The following VPS13B variants were observed in gnomAD, a reference collection of about 807,000 sequenced individuals.
VPS13B encodes the protein intermembrane lipid transfer protein VPS13B.
In VPS13B, 285 loss-of-function variants were observed where a neutral mutation model predicts 426.4. The ratio of observed to expected loss-of-function variants is 0.67; its 90% CI spans 0.61 to 0.74. VPS13B has a LOEUF of 0.74. Ranked by LOEUF, VPS13B falls within the 30% of genes least tolerant of loss-of-function variation. VPS13B has a pLI of 0.00. For synonymous variants in VPS13B, 1,676 were observed against 1,676.4 expected, an observed-to-expected ratio of 1.00 and a Z score of 0.01; for missense variants, 4,537 against 4,782.6, an observed-to-expected ratio of 0.95 and a Z score of 1.51.
At chr8:99,041,067 T>A (rs573508549) in intron 3 of VPS13B, among the ~76,000 whole-genome samples, 1 of 152,316 alleles carries the variant, frequency 6.6e-6, no homozygotes, top group South Asian at 2.1e-4. Flanking sequence ...GGTTTTAATA[T>A]ACTGCCTTAA....
chr8:99,101,362 G>A (rs749387451), intron 4 of VPS13B, among the ~76,000 whole-genome samples: 15 of 152,226 alleles, frequency 9.9e-5, no homozygotes, highest in Non-Finnish European at 1.3e-4. Context: ...TCCATCTTTT[G>A]ACCTTGTGAT....
chr8:99,271,134 T>C (rs1197374886), intron 17 of VPS13B, among the ~76,000 whole-genome samples: 1 of 152,058 alleles, frequency 6.6e-6, no homozygotes, highest in Non-Finnish European at 1.5e-5. Flanking sequence ...TGTTAAGTGC[T>C]ATGATTACTA....
At chr8:99,823,245 G>T (rs1814480883) in intron 50 of VPS13B, among the ~76,000 whole-genome samples, 6 of 152,196 alleles carry the variant, frequency 3.9e-5, no homozygotes, top group African/African-American at 1.4e-4. Flanking sequence ...TGTAAAATGG[G>T]GTTAATAATA....
At chr8:99,678,231 A>G (rs979940567) in intron 35 of VPS13B, among the ~76,000 whole-genome samples, 1 of 152,086 alleles carries the variant, frequency 6.6e-6, no homozygotes, top group African/African-American at 2.4e-5. Context: ...ACAATTTACT[A>G]CCATCTTCAG....
intron 21 of VPS13B, among the ~76,000 whole-genome samples, chr8:99,427,707 C>G (rs1164827552): frequency 6.6e-6 from 1 of 151,820 alleles, no homozygotes; most frequent in Non-Finnish European, 1.5e-5. Context: ...AATGGCCATA[C>G]TGCCCAAGGT....
In VPS13B at chr8:99,766,951, A is replaced by G. The variant is rs1282484466; in HGVS notation, c.7228A>G (p.Asn2410Asp). 1.2e-6 allele frequency: 2 copies of G among 1,613,940 alleles called. No individual in the cohort carries two copies. Among genetic ancestry groups the G allele is most frequent in the South Asian group, 2.2e-5 (2 of 91,074 alleles). Reference protein sequence around the residue: ...LWRIVLNSSQNGADDQSSASE... With the variant: ...LWRIVLNSSQDGADDQSSASE... ...GAGAATTGTCTTGAACAGCAGTCAA[A>G]ATGGAGCTGATGACCAAAGGTAATT... Residue 2410 changes from asparagine to aspartate, a missense_variant, in exon 40 of 62, where the codon AAT becomes GAT. Asn to Asp is a conservative substitution (Grantham distance 23, BLOSUM62 1). This residue lies in a region of VPS13B where 4,311 missense variants were observed against 4,474.3 expected (regional missense o/e 0.96). Transcript: ENST00000357162.
At chr8:99,633,014 GGCAATGAAAACCA>G (rs1396991550) in intron 33 of VPS13B, among the ~76,000 whole-genome samples, 1 of 151,892 alleles carries the variant, frequency 6.6e-6, no homozygotes, top group African/African-American at 2.4e-5. Context: ...ATTTCTATCT[GGCAATGAAAACCA>G]GCTACTGGAT....
intron 16 of VPS13B, among the ~76,000 whole-genome samples, chr8:99,182,872 G>T (rs969946536): frequency 2.0e-5 from 3 of 152,276 alleles, no homozygotes; most frequent in Admixed American, 2.0e-4. Flanking sequence ...GAGTAGCTGG[G>T]ATTACAGGAA....
intron 19 of VPS13B, among the ~76,000 whole-genome samples, chr8:99,344,749 G>A (rs1235974017): frequency 6.6e-6 from 1 of 150,546 alleles, no homozygotes; most frequent in African/African-American, 2.4e-5. Context: ...TCTTCTCATT[G>A]GTTTGTACAA....
intron 58 of VPS13B, among the ~76,000 whole-genome samples, chr8:99,862,184 TAAAAG>T (rs774273895): frequency 6.6e-6 from 1 of 152,236 alleles, no homozygotes; most frequent in Non-Finnish European, 1.5e-5. Flanking sequence ...CTGAAGTTCT[TAAAAG>T]AAATCCTAAT....
At chr8:99,507,616 A>G (rs958236870) in intron 28 of VPS13B, among the ~76,000 whole-genome samples, 7 of 152,264 alleles carry the variant, frequency 4.6e-5, no homozygotes, top group Non-Finnish European at 1.0e-4. Flanking sequence ...GCTTTTGCAG[A>G]AGATGGTCCA....
chr8:99,592,718 A>T (rs1436645030), intron 33 of VPS13B, among the ~76,000 whole-genome samples: 3 of 152,122 alleles, frequency 2.0e-5, no homozygotes, highest in Non-Finnish European at 4.4e-5. Flanking sequence ...AAACAGATAC[A>T]TAGACCAATG....
At chr8:99,414,142 G>T (rs1208090201) in intron 21 of VPS13B, among the ~76,000 whole-genome samples, 3 of 151,352 alleles carry the variant, frequency 2.0e-5, no homozygotes, top group East Asian at 3.9e-4. Context: ...AGGATAGTTA[G>T]CTTGATCCCT....
intron 39 of VPS13B, among the ~76,000 whole-genome samples, chr8:99,737,455 G>T (rs1833891529): frequency 6.6e-6 from 1 of 152,036 alleles, no homozygotes; most frequent in African/African-American, 2.4e-5. Context: ...TCCCAAAGCA[G>T]CAGCCTTCCC....
At chr8:99,282,298 T>G (rs1819210505) in intron 19 of VPS13B, among the ~76,000 whole-genome samples, 1 of 152,220 alleles carries the variant, frequency 6.6e-6, no homozygotes, top group Non-Finnish European at 1.5e-5. Flanking sequence ...ACTACATGTT[T>G]GAAAATATCT....
intron 34 of VPS13B, among the ~76,000 whole-genome samples, chr8:99,648,572 T>C (rs1829686125): frequency 6.6e-6 from 1 of 152,226 alleles, no homozygotes; most frequent in African/African-American, 2.4e-5. Context: ...GTTTCCAGTA[T>C]GCATGTCTAA....
At chr8:99,721,166 C>T in intron 39 of VPS13B, 119 bp downstream of exon 39, 2 of 1,055,208 alleles carry the variant, frequency 1.9e-6, no homozygotes, top group South Asian at 1.3e-5. Context: ...GAGAAATACA[C>T]ATCTGTGTGT....
intron 6 of VPS13B, among the ~76,000 whole-genome samples, chr8:99,112,453 A>G (rs943847609): frequency 6.6e-6 from 1 of 152,018 alleles, no homozygotes; most frequent in Non-Finnish European, 1.5e-5. Context: ...TAAAATCTAC[A>G]TGTTTTTTTC....
Position 99,013,878 on chromosome 8 carries a change from A to G in VPS13B, c.90A>G (p.Leu30=), listed in dbSNP as rs771860546. Residue 30 remains leucine (L), a synonymous_variant, in exon 2 of 62, where the codon CTA becomes CTG. Coordinates refer to ENST00000357162, the MANE Select transcript of VPS13B (RefSeq NM_152564.5). ...NLKPSDLQLS[L]WGGDVVLSKL... is the part of the protein sequence containing the mutation. ...AGCCGTCGGATCTACAGCTTTCACTATGGGGTGGAGACGTGGTACTCAGCA... is the reference window on the plus strand; with the variant it reads ...AGCCGTCGGATCTACAGCTTTCACTGTGGGGTGGAGACGTGGTACTCAGCA... 1.5e-5 allele frequency: 24 copies of G among 1,614,120 alleles called. No individual in the cohort carries two copies. The highest frequency in any genetic ancestry group is 1.7e-5 in the Non-Finnish European group (20 of 1,180,000).
Sources: gnomAD v4.1 joint callset for allele counts (sites outside exome capture counted in the v4.1 genomes callset) on GRCh38, gnomAD v4.1.1 for gene constraint, gnomAD v4.1.1 regional missense constraint, MANE v1.5 for transcripts, NCBI Gene and HGNC (gene_info 2026-07-23, HGNC 2026-07-21) for gene names.